ASPH: variants seen among roughly 807,000 people sequenced by gnomAD.
ASPH encodes the protein aspartate beta-hydroxylase.
A neutral mutation model predicts 118.4 loss-of-function variants in ASPH; 100 were observed. The observed-to-expected ratio is 0.84, with a 90% confidence interval of 0.72 to 1.00. The LOEUF is 1.00. Ranked by LOEUF, ASPH falls within the 50% of genes least tolerant of loss-of-function variation. ASPH has a pLI of 0.00. For synonymous variants in ASPH, 315 were observed against 325.6 expected (o/e 0.97, Z 0.35); for missense variants, 920 against 919.5 (o/e 1.00, Z -0.01).
At chr8:61,622,536 C>G (rs751578449) in intron 13 of ASPH, among the ~76,000 whole-genome samples, 5 of 152,204 alleles carry the variant, frequency 3.3e-5, no homozygotes, top group Non-Finnish European at 5.9e-5. Flanking sequence ...AGACTGCTCT[C>G]TCCCTAAGCA....
In ASPH at chr8:61,550,477, A is replaced by AAGAG. The variant is rs36069979; in HGVS notation, c.1627-2273_1627-2270dup. Among the ~76,000 whole-genome samples, 267 of 148,042 alleles carry AAGAG rather than the reference A, an allele frequency of 1.8e-3. 1 individual carries two copies. Among genetic ancestry groups the AAGAG allele is most frequent in the Middle Eastern group, 7.1e-3 (2 of 280 alleles). On this transcript the variant is annotated intron_variant, in intron 20 of 24. Transcript: ENST00000379454. ...CACACACACACACACACATAAGAGA[A>AAGAG]AGAGAGAGAGAGAGAGAGAGAGACA... is the stretch of plus-strand genomic sequence containing the variant.
rs377246291 is a variant in ASPH, at chr8:61,643,936, T to C, written c.709+9A>G. ...AAAACACATATCAATAATTTTAACA[T>C]TTACAAACCTGGATTTTCCTGCTCA... is the stretch of plus-strand genomic sequence containing the variant. On this transcript the variant is annotated intron_variant, in intron 8 of 24. Coordinates refer to ENST00000379454, the MANE Select transcript of ASPH (RefSeq NM_004318.4). The C allele has an allele frequency of 6.8e-6, 11 of 1,607,732 alleles. No homozygotes were observed. The highest frequency in any genetic ancestry group is 9.4e-6 in the Non-Finnish European group (11 of 1,175,004).
intron 4 of ASPH, among the ~76,000 whole-genome samples, chr8:61,652,923 GT>G (rs1811782739): frequency 6.6e-6 from 1 of 152,198 alleles, no homozygotes; most frequent in South Asian, 2.1e-4. Context: ...CAGTACTTAA[GT>G]TTTCAGTAAA....
chr8:61,528,913 C>A (rs931914729), intron 21 of ASPH, among the ~76,000 whole-genome samples: 3 of 152,162 alleles, frequency 2.0e-5, no homozygotes, highest in Non-Finnish European at 1.5e-5. Context: ...CCCTAATATG[C>A]CACCAGACAT....
At chr8:61,648,703 A>C (rs900853899) in intron 5 of ASPH, among the ~76,000 whole-genome samples, 1 of 152,182 alleles carries the variant, frequency 6.6e-6, no homozygotes, top group African/African-American at 2.4e-5. Context: ...AGGGGTCATG[A>C]GACTCTAGGC....
chr8:61,707,964 T>TGG (rs770260553), intron 1 of ASPH, among the ~76,000 whole-genome samples: 42 of 152,190 alleles, frequency 2.8e-4, no homozygotes, highest in Non-Finnish European at 5.1e-4. Flanking sequence ...TTTACATGTG[T>TGG]GGATACATAA....
chr8:61,684,579 C>A (rs1257604947), intron 1 of ASPH: 1 of 162,368 alleles, frequency 6.2e-6, no homozygotes, highest in African/African-American at 2.4e-5. Context: ...TCTGCAGAAT[C>A]TTAAAAACTC....
At chr8:61,609,166 C>G (rs1846518578) in intron 14 of ASPH, among the ~76,000 whole-genome samples, 1 of 152,188 alleles carries the variant, frequency 6.6e-6, no homozygotes, top group South Asian at 2.1e-4. Context: ...CCTGGACCAG[C>G]TCCTAACGAC....
At chr8:61,549,645 C>A (rs1825166442) in intron 20 of ASPH, among the ~76,000 whole-genome samples, 1 of 152,002 alleles carries the variant, frequency 6.6e-6, no homozygotes, top group Non-Finnish European at 1.5e-5. Flanking sequence ...TAGCATATAT[C>A]TCTGAAATTA....
At chr8:61,638,059 TTACA>T in intron 11 of ASPH, 56 bp from the exon 12 acceptor site, 1 of 1,489,348 alleles carries the variant, frequency 6.7e-7, no homozygotes. Context: ...GTGACACATC[TTACA>T]TTCACTCGCC....
chr8:61,533,063 T>C (rs967811309), intron 21 of ASPH, among the ~76,000 whole-genome samples: 5 of 152,082 alleles, frequency 3.3e-5, no homozygotes, highest in Non-Finnish European at 7.4e-5. Flanking sequence ...TTTTCTATTC[T>C]GAACTATCTT....
At chr8:61,522,465 G>C (rs1426423251) in intron 22 of ASPH, among the ~76,000 whole-genome samples, 1 of 152,062 alleles carries the variant, frequency 6.6e-6, no homozygotes, top group Non-Finnish European at 1.5e-5. Flanking sequence ...CATCCCTAGT[G>C]ATATGGTTTG....
At chr8:61,662,078 G>A (rs1817198293) in intron 3 of ASPH, among the ~76,000 whole-genome samples, 1 of 152,118 alleles carries the variant, frequency 6.6e-6, no homozygotes, top group South Asian at 2.1e-4. Flanking sequence ...AAAATTTGAT[G>A]ATGATGTAAG....
At chr8:61,685,951 T>G (rs1482575415) in intron 1 of ASPH, among the ~76,000 whole-genome samples, 2 of 152,134 alleles carry the variant, frequency 1.3e-5, no homozygotes, top group Non-Finnish European at 2.9e-5. Context: ...GTATTTTTAG[T>G]AGAGACAGGG....
At chr8:61,621,664 G>A (rs1404507029) in intron 13 of ASPH, among the ~76,000 whole-genome samples, 4 of 152,180 alleles carry the variant, frequency 2.6e-5, no homozygotes, top group Admixed American at 2.6e-4. Context: ...TACAAATAAG[G>A]CAACTGAGGC....
At chr8:61,517,779 T>C in intron 23 of ASPH, 118 bp from the exon 24 acceptor site, 1 of 1,343,292 alleles carries the variant, frequency 7.4e-7, no homozygotes, top group Non-Finnish European at 1.0e-6. Flanking sequence ...TAAGATTTAA[T>C]ATTTATATTC....
chr8:61,593,282 T>C (rs1841679050), intron 14 of ASPH, among the ~76,000 whole-genome samples: 2 of 152,170 alleles, frequency 1.3e-5, no homozygotes, highest in African/African-American at 4.8e-5. Context: ...TGAGGCTTTT[T>C]TTCTCTAACA....
At chr8:61,639,364 C>T (rs992264561) in intron 10 of ASPH, among the ~76,000 whole-genome samples, 4 of 152,104 alleles carry the variant, frequency 2.6e-5, no homozygotes, top group African/African-American at 9.7e-5. Flanking sequence ...TGACCCCATC[C>T]CTGAAAAGGC....
intron 13 of ASPH, among the ~76,000 whole-genome samples, chr8:61,632,842 A>G (rs758654610): frequency 3.3e-5 from 5 of 152,222 alleles, no homozygotes; most frequent in Non-Finnish European, 5.9e-5. Flanking sequence ...TACCAAAATC[A>G]GTAATAGGAA....
Sources: gnomAD v4.1 joint callset for allele counts (sites outside exome capture counted in the v4.1 genomes callset) on GRCh38, gnomAD v4.1.1 for gene constraint, MANE v1.5 for transcripts, NCBI Gene and HGNC (gene_info 2026-07-23, HGNC 2026-07-21) for gene names.